Variants in TBCD observed in about 807,000 individuals in gnomAD.
The protein encoded by TBCD is tubulin-specific chaperone D.
TBCD carries 105 observed loss-of-function variants against 169.3 expected under a neutral mutation model. The ratio of observed to expected loss-of-function variants is 0.62; its 90% CI spans 0.53 to 0.73. The LOEUF is 0.73. Among genes scored for constraint, TBCD ranks in the 30% least tolerant of loss-of-function variants. The pLI, the probability that TBCD is intolerant of heterozygous loss-of-function variation, is 0.00. For missense variants in TBCD, 1,444 were observed against 1,600.1 expected, an observed-to-expected ratio of 0.90 and a Z score of 1.66; for synonymous variants, 700 against 643.9, an observed-to-expected ratio of 1.09 and a Z score of -1.32.
Position 82,884,117 on chromosome 17 carries a change from TTTAA to T in TBCD, c.1476-22_1476-19del, listed in dbSNP as rs776074509. 1 of 1,585,950 alleles carries T rather than the reference TTTAA, an allele frequency of 6.3e-7. No individual in the cohort carries two copies. The highest frequency in any genetic ancestry group is 8.6e-7 in the Non-Finnish European group (1 of 1,164,274). ...TCTGTACTGTTTTGCAGAATTTCTT[TTTAA>T]TTAATCCTTTCTCTTTTTCACAGTG... On this transcript the variant is annotated intron_variant, in intron 14 of 38. Coordinates refer to ENST00000355528, the MANE Select transcript of TBCD (RefSeq NM_005993.5). The surrounding 1 kb of genome is among the most constrained non-coding windows in gnomAD (Gnocchi z 4.2).
Position 82,756,290 on chromosome 17 carries a change from C to T in TBCD, c.235+75C>T, listed in dbSNP as rs117174574. Reference sequence around the variant, plus strand: ...GAGGCCTTGGTGTGTGGTGCTGGCACATGCATGTGCTTTGCCAGGATCAAA... The same window carrying T: ...GAGGCCTTGGTGTGTGGTGCTGGCATATGCATGTGCTTTGCCAGGATCAAA... On this transcript the variant is annotated intron_variant, in intron 2 of 38. Coordinates refer to ENST00000355528, the MANE Select transcript of TBCD (RefSeq NM_005993.5). 10,956 of 1,416,096 alleles carry T rather than the reference C, an allele frequency of 7.7e-3. 75 individuals carry two copies. The highest frequency in any genetic ancestry group is 0.017 in the East Asian group (685 of 41,174). 87.7% of individuals were successfully genotyped at this position (1,416,096 alleles called of 1,614,324 possible). A position where few individuals can be genotyped will look rare whatever the true frequency, so the allele number is the denominator to read the frequency against.
At chr17:82,926,513 C>G (rs763000761) in intron 28 of TBCD, 22 bp downstream of exon 28, 1 of 1,608,032 alleles carries the variant, frequency 6.2e-7, no homozygotes, top group East Asian at 2.2e-5. Flanking sequence ...CAGTTCCTCC[C>G]TAAAGTCGTA....
chr17:82,808,441 G>A (rs1033479381), intron 11 of TBCD, among the ~76,000 whole-genome samples: 9 of 141,546 alleles, frequency 6.4e-5, no homozygotes, highest in Non-Finnish European at 1.4e-4. Context: ...AGGTGTTGAG[G>A]TGGGGGGAGG....
rs759988264 is a variant in TBCD, at chr17:82,923,777, C to A, written c.2260+44C>A. 8.6e-6 allele frequency: 13 copies of A among 1,511,302 alleles called. No individual in the cohort carries two copies. The highest frequency in any genetic ancestry group is 1.2e-5 in the Non-Finnish European group (13 of 1,115,672). 93.6% of individuals were successfully genotyped at this position (1,511,302 alleles called of 1,614,324 possible). A position where few individuals can be genotyped will look rare whatever the true frequency, so the allele number is the denominator to read the frequency against. The stretch of plus-strand genomic sequence containing the variant: ...TCTTGAAGACTCCAGGGGCTTCCAG[C>A]AGGAAGCTGCTGGGGAGTGTCTGGG... On this transcript the variant is annotated intron_variant, in intron 26 of 38. Transcript: ENST00000355528. This position sits in a 1 kb window ranked among gnomAD's most constrained non-coding sequence, Gnocchi z 4.6.
chr17:82,795,159 G>A (rs1568144316), intron 7 of TBCD, among the ~76,000 whole-genome samples: 1 of 152,262 alleles, frequency 6.6e-6, no homozygotes, highest in Non-Finnish European at 1.5e-5. Context: ...CAACGTTCAT[G>A]TGTGAGGGCA....
At position 82,920,472 on chromosome 17, in the gene TBCD, T is replaced by A. The variant is rs2061350433; in HGVS notation, c.2039-84T>A. 1 of 1,239,004 alleles carries A rather than the reference T, an allele frequency of 8.1e-7. No homozygotes were observed. Among genetic ancestry groups the A allele is most frequent in the Admixed American group, 2.2e-5 (1 of 45,062 alleles). The allele number at this position is 1,239,004 out of a possible 1,614,324, so 76.8% of individuals were successfully genotyped here. A position where few individuals can be genotyped will look rare whatever the true frequency, so the allele number is the denominator to read the frequency against. ...GGGGCAGGAGCTGGCCGCACACAACTCAGAATGTGGCAAAGGCAAGCCGCT... is the reference window on the plus strand; with the variant it reads ...GGGGCAGGAGCTGGCCGCACACAACACAGAATGTGGCAAAGGCAAGCCGCT... On this transcript the variant is annotated intron_variant, in intron 23 of 38. Coordinates refer to ENST00000355528, the MANE Select transcript of TBCD (RefSeq NM_005993.5). The surrounding 1 kb of genome is among the most constrained non-coding windows in gnomAD (Gnocchi z 4.1).
chr17:82,939,099 T>C, intron 36 of TBCD: 1 of 538,358 alleles, frequency 1.9e-6, no homozygotes, highest in Non-Finnish European at 3.3e-6. Flanking sequence ...AGCAGGTTGG[T>C]TAATAAAGCA....
rs1272887822 is a variant in TBCD at position 82,833,306 on chromosome 17, C to G, written c.1318+18372C>G. ...GTAGAACCCAAGACCATGGATGCTG[C>G]TGCCTCCCCTGGGGCCGATCCCTAA... On this transcript the variant is annotated intron_variant, in intron 13 of 38. Coordinates refer to ENST00000355528, the MANE Select transcript of TBCD (RefSeq NM_005993.5). This position sits in a 1 kb window ranked among gnomAD's most constrained non-coding sequence, Gnocchi z 4.7. Among the ~76,000 whole-genome samples, 1 of 152,154 alleles carries G rather than the reference C, an allele frequency of 6.6e-6. No homozygotes were observed. Among genetic ancestry groups the G allele is most frequent in the Non-Finnish European group, 1.5e-5 (1 of 68,028 alleles).
Position 82,900,235 on chromosome 17 carries a change from G to T in TBCD, c.1650-416G>T, listed in dbSNP as rs147775823. 1.8e-3 allele frequency among the ~76,000 whole-genome samples: 275 copies of T among 152,226 alleles called. 3 individuals are homozygous for T. Among genetic ancestry groups the T allele is most frequent in the African/African-American group, 6.5e-3 (271 of 41,526 alleles). On this transcript the variant is annotated intron_variant, in intron 17 of 38. Transcript: ENST00000355528. Reference sequence around the variant, plus strand: ...CTGAGGCCCCTGATCTGCCTCTGTGGGTGTAGATGAGTTTTTTGCACGTCC... The same window carrying T: ...CTGAGGCCCCTGATCTGCCTCTGTGTGTGTAGATGAGTTTTTTGCACGTCC...
chr17:82,837,094 C>T lies in TBCD; in HGVS notation c.1318+22160C>T, dbSNP rs191287912. On this transcript the variant is annotated intron_variant, in intron 13 of 38. Coordinates refer to ENST00000355528, the MANE Select transcript of TBCD (RefSeq NM_005993.5). Reference sequence around the variant, plus strand: ...ACAGCTGCTTCAGTTGTAAGCCGGGCGTAGGTCACCTGATCTGTAAAACTA... The same window carrying T: ...ACAGCTGCTTCAGTTGTAAGCCGGGTGTAGGTCACCTGATCTGTAAAACTA... Among the ~76,000 whole-genome samples the T allele has an allele frequency of 2.6e-3, 390 of 152,292 alleles. 2 individuals carry two copies. Among genetic ancestry groups the T allele is most frequent in the African/African-American group, 9.2e-3 (382 of 41,560 alleles).
At chr17:82,908,478 T>C (rs2060399724) in intron 21 of TBCD, 2 of 420,862 alleles carry the variant, frequency 4.8e-6, no homozygotes, top group Non-Finnish European at 9.5e-6. Flanking sequence ...CAGGAGAATA[T>C]AAAAATTGTT....
At chr17:82,911,624 C>G in intron 22 of TBCD, 134 bp from the exon 23 acceptor site, 1 of 847,222 alleles carries the variant, frequency 1.2e-6, no homozygotes, top group Non-Finnish European at 1.9e-6. Context: ...AAAGGTTGCT[C>G]ATGCTCAGTA....
chr17:82,788,191 T>C (rs2049446454), intron 7 of TBCD, among the ~76,000 whole-genome samples: 1 of 152,144 alleles, frequency 6.6e-6, no homozygotes, highest in Non-Finnish European at 1.5e-5. Context: ...TGAGCCGACA[T>C]GGCGCCACTG....
intron 22 of TBCD, among the ~76,000 whole-genome samples, chr17:82,911,542 TCAG>T (rs2060643215): frequency 6.6e-6 from 1 of 152,214 alleles, no homozygotes; most frequent in Non-Finnish European, 1.5e-5. Context: ...AAATTAAAAA[TCAG>T]CATCACCCCA....
Position 82,921,532 on chromosome 17 carries a change from G to A in TBCD, c.2133G>A (p.Leu711=), listed in dbSNP as rs1361068732. Residue 711 remains leucine (L), a synonymous_variant, in exon 25 of 39, where the codon TTG becomes TTA. Transcript: ENST00000355528. ...DGWQWLINDT[L]RHLHLISSHS... ...GGCAATGGCTGATAAATGACACTTT[G>A]AGACATCTCCATCTCATCTCAAGTC... 6.2e-7 allele frequency: 1 copy of A among 1,614,020 alleles called. No homozygotes were observed. Among genetic ancestry groups the A allele is most frequent in the Non-Finnish European group, 8.5e-7 (1 of 1,179,896 alleles).
chr17:82,931,467 G>A (rs752109040), intron 33 of TBCD, among the ~76,000 whole-genome samples: 3 of 152,218 alleles, frequency 2.0e-5, no homozygotes, highest in Admixed American at 6.5e-5. Context: ...CACTTGAGGC[G>A]CTGGGCCGCG....
At chr17:82,893,681 T>G in intron 17 of TBCD, 49 bp downstream of exon 17, 1 of 1,363,340 alleles carries the variant, frequency 7.3e-7, no homozygotes. Context: ...AAAATCAGAT[T>G]GGATGTCAGA....
rs142393816 is a variant in TBCD at position 82,828,126 on chromosome 17, C to A, written c.1318+13192C>A. ...CCGCAGATATGCACACGTGCACACC[C>A]ACACAGTTGAATGTGCATACACCCA... On this transcript the variant is annotated intron_variant, in intron 13 of 38. Coordinates refer to ENST00000355528, the MANE Select transcript of TBCD (RefSeq NM_005993.5). 3.4e-3 allele frequency among the ~76,000 whole-genome samples: 502 copies of A among 148,454 alleles called. 12 individuals carry two copies. Among genetic ancestry groups the A allele is most frequent in the Admixed American group, 0.026 (388 of 14,852 alleles).
chr17:82,918,103 G>A (rs1033875207), intron 23 of TBCD, among the ~76,000 whole-genome samples: 1 of 152,208 alleles, frequency 6.6e-6, no homozygotes, highest in African/African-American at 2.4e-5. Context: ...TGCTTCCCAT[G>A]CTTCCTCCGC....
Sources: gnomAD v4.1 joint callset for allele counts (sites outside exome capture counted in the v4.1 genomes callset) on GRCh38, gnomAD v4.1.1 for gene constraint, Gnocchi (gnomAD v3.1) non-coding constraint, MANE v1.5 for transcripts, NCBI Gene and HGNC (gene_info 2026-07-23, HGNC 2026-07-21) for gene names.